Variants in PUM2 observed in about 807,000 individuals in gnomAD.
PUM2 encodes the protein pumilio homolog 2.
PUM2 carries 57 observed loss-of-function variants against 124.5 expected under a neutral mutation model. The observed-to-expected ratio is 0.46, with a 90% CI of 0.37 to 0.57. The LOEUF is 0.57. Among genes scored for constraint, PUM2 ranks in the 20% least tolerant of loss-of-function variants. The pLI is 0.00. For synonymous variants in PUM2, 460 were observed against 446.1 expected (o/e 1.03, Z -0.39); for missense variants, 1,065 against 1,290.6 (o/e 0.83, Z 2.68).
At chr2:20,326,383 C>A in intron 2 of PUM2, 2 of 1,304,256 alleles carry the variant, frequency 1.5e-6, no homozygotes, top group Non-Finnish European at 2.0e-6. Context: ...CTCTTTTCTG[C>A]ATCTGAAGAG....
At chr2:20,298,848 A>G (rs1676287099) in intron 7 of PUM2, among the ~76,000 whole-genome samples, 1 of 152,180 alleles carries the variant, frequency 6.6e-6, no homozygotes, top group African/African-American at 2.4e-5. Context: ...CAGAATAATA[A>G]CAATAACAAC....
Position 20,253,953 on chromosome 2 carries a change from C to T in PUM2, c.2932G>A (p.Glu978Lys), listed in dbSNP as rs757634707. The T allele has an allele frequency of 2.5e-6, 4 of 1,613,962 alleles. No individual in the cohort carries two copies. The highest frequency in any genetic ancestry group is 3.3e-5 in the Admixed American group (2 of 60,000). ...GGACCATCATTCTGGCAGCAAACCT[C>T]GTCAATCAGTAAAGCTCTCTCAGCA... ...SRAERALLID[E>K]VCCQNDGPHS... Residue 978 changes from glutamate (E) to lysine (K), a missense_variant, in exon 20 of 21, where the codon GAG becomes AAG. Coordinates refer to ENST00000361078, the MANE Select transcript of PUM2 (RefSeq NM_015317.5).
At chr2:20,297,421 A>T in intron 8 of PUM2, 132 bp downstream of exon 8, 1 of 865,284 alleles carries the variant, frequency 1.2e-6, no homozygotes, top group Non-Finnish European at 1.6e-6. Context: ...TGGAAACTTT[A>T]GTTCATTCTG....
chr2:20,344,215 G>A (rs1056311981), intron 1 of PUM2, among the ~76,000 whole-genome samples: 9 of 152,030 alleles, frequency 5.9e-5, no homozygotes, highest in South Asian at 2.1e-4. Context: ...CTACAGACGC[G>A]AGCCACCATG....
rs551741425 is a variant in PUM2 at position 20,291,622 on chromosome 2, T to A, written c.1153-832A>T. On this transcript the variant is annotated intron_variant, in intron 9 of 20. Coordinates refer to ENST00000361078, the MANE Select transcript of PUM2 (RefSeq NM_015317.5). ...TCTTTCTTCCTTTTCTTTCCTCTTC[T>A]TTTTCTTGTGTTTCTCTTTACTTCA... is the stretch of plus-strand genomic sequence containing the variant. Among the ~76,000 whole-genome samples, 32 of 152,334 alleles carry A rather than the reference T, an allele frequency of 2.1e-4. 1 individual carries two copies. The highest frequency in any genetic ancestry group is 1.2e-3 in the South Asian group (6 of 4,830).
intron 1 of PUM2, among the ~76,000 whole-genome samples, chr2:20,328,541 A>G (rs1465700394): frequency 1.3e-5 from 2 of 152,238 alleles, no homozygotes; most frequent in Admixed American, 1.3e-4. Flanking sequence ...GCAGACAGCA[A>G]TCCTAAAGCA....
chr2:20,345,696 A>T (rs1688116391), intron 1 of PUM2, among the ~76,000 whole-genome samples: 1 of 152,014 alleles, frequency 6.6e-6, no homozygotes, highest in Non-Finnish European at 1.5e-5. Flanking sequence ...CAACAGTGAA[A>T]CCCCATCTCT....
At chr2:20,313,702 G>C (rs571128822) in intron 3 of PUM2, among the ~76,000 whole-genome samples, 23 of 151,772 alleles carry the variant, frequency 1.5e-4, no homozygotes, top group African/African-American at 5.6e-4. Flanking sequence ...TGGCAGCACA[G>C]GTCTGTAGTC....
intron 1 of PUM2, among the ~76,000 whole-genome samples, chr2:20,327,650 G>C (rs147646693): frequency 0.01 from 1,594 of 152,294 alleles, 17 homozygotes; most frequent in Middle Eastern, 0.034. Context: ...AGAAACTGGA[G>C]AACAGTCTAT....
chr2:20,334,559 A>T (rs886147224), intron 1 of PUM2, among the ~76,000 whole-genome samples: 33 of 152,212 alleles, frequency 2.2e-4, no homozygotes, highest in African/African-American at 8.0e-4. Context: ...GTAAACGTTC[A>T]ACATTTAATG....
In PUM2 at chr2:20,350,695, G is replaced by A; in HGVS notation, c.-117C>T. ...TCCTCCCCCTCCTCCGCCTTCGGTG[G>A]CGGCAATGTCTTCTTTCTCCACCTA... On this transcript the variant is annotated 5_prime_UTR_variant, in exon 1 of 21. Coordinates refer to ENST00000361078, the MANE Select transcript of PUM2 (RefSeq NM_015317.5). The A allele has an allele frequency of 1.0e-6, 1 of 984,182 alleles. No individual in the cohort carries two copies. Among genetic ancestry groups the A allele is most frequent in the Non-Finnish European group, 1.2e-6 (1 of 829,060 alleles). The allele number at this position is 984,182 out of a possible 1,614,324, so 61.0% of individuals were successfully genotyped here.
At chr2:20,350,503 G>A in intron 1 of PUM2, 94 bp downstream of exon 1, 1 of 985,534 alleles carries the variant, frequency 1.0e-6, no homozygotes, top group Non-Finnish European at 1.2e-6. Flanking sequence ...TCCCGCTGGC[G>A]ATCGGCTCCC....
intron 4 of PUM2, 120 bp from the exon 5 acceptor site, chr2:20,311,783 T>A: frequency 2.7e-6 from 3 of 1,109,146 alleles, no homozygotes; most frequent in Non-Finnish European, 3.7e-6. Flanking sequence ...GAATCTTATT[T>A]AATTTCGTAG....
upstream of PUM2, among the ~76,000 whole-genome samples, chr2:20,351,281 T>A (rs539167750): frequency 6.6e-6 from 1 of 152,372 alleles, no homozygotes; most frequent in South Asian, 2.1e-4. Context: ...TCCAGAGTGC[T>A]GGCGCCCACA....
intron 2 of PUM2, among the ~76,000 whole-genome samples, chr2:20,319,001 T>G (rs1681668199): frequency 6.6e-6 from 1 of 152,204 alleles, no homozygotes; most frequent in Non-Finnish European, 1.5e-5. Context: ...TTCCCTTCAC[T>G]TCCAAGTCCT....
intron 8 of PUM2, among the ~76,000 whole-genome samples, chr2:20,296,135 G>A (rs567252335): frequency 4.6e-5 from 7 of 152,234 alleles, no homozygotes; most frequent in South Asian, 4.1e-4. Context: ...TTTCATTGTC[G>A]TAGCTAAGAT....
chr2:20,331,453 G>A (rs1016619431), intron 1 of PUM2, among the ~76,000 whole-genome samples: 11 of 152,174 alleles, frequency 7.2e-5, no homozygotes, highest in African/African-American at 2.7e-4. Flanking sequence ...TCAGATTTCA[G>A]TGACTGAGCT....
chr2:20,328,235 CAGA>C (rs978763164), intron 1 of PUM2, among the ~76,000 whole-genome samples: 1 of 152,094 alleles, frequency 6.6e-6, no homozygotes, highest in African/African-American at 2.4e-5. Context: ...ATTCGGGTGG[CAGA>C]AGAATTGCTT....
chr2:20,312,290 T>C lies in PUM2; in HGVS notation c.294A>G (p.Val98=). 4 of 1,613,396 alleles carry C rather than the reference T, an allele frequency of 2.5e-6. No individual in the cohort carries two copies. The highest frequency in any genetic ancestry group is 3.4e-6 in the Non-Finnish European group (4 of 1,179,532). Reference sequence around the variant, plus strand: ...ATTTATCAGCAGGAGAAGAACTTAATACATATTCTACCATGCTCACACCAA... The same window carrying C: ...ATTTATCAGCAGGAGAAGAACTTAACACATATTCTACCATGCTCACACCAA... ...GGLGVSMVEY[V]LSSSPADKLD... The change falls in exon 4 of 21, where the codon GTA becomes GTG. Residue 98 remains valine, a synonymous_variant. Transcript: ENST00000361078.
Sources: gnomAD v4.1 joint callset for allele counts (sites outside exome capture counted in the v4.1 genomes callset) on GRCh38, gnomAD v4.1.1 for gene constraint, MANE v1.5 for transcripts, NCBI Gene and HGNC (gene_info 2026-07-23, HGNC 2026-07-21) for gene names.